Variants in DLGAP2 observed in about 807,000 individuals in gnomAD.
DLGAP2 encodes DLG associated protein 2, also known as disks large-associated protein 2.
DLGAP2 carries 26 observed loss-of-function variants against 100.3 expected under a neutral mutation model. The observed-to-expected ratio is 0.26, with a 90% CI of 0.19 to 0.36. The LOEUF is 0.36. Ranked by LOEUF, DLGAP2 falls within the 10% of genes least tolerant of loss-of-function variation. The probability of loss-of-function intolerance (pLI) is 1.00; values close to 1 mark genes in which losing one functional copy is unlikely to be tolerated. For missense variants in DLGAP2, 1,858 were observed against 1,453.2 expected (o/e 1.28, Z -4.53); for synonymous variants, 886 against 630.1 (o/e 1.41, Z -6.08).
chr8:1,706,596 A>G lies in DLGAP2; in HGVS notation c.*5190A>G, dbSNP rs1799711012. Reference sequence around the variant, plus strand: ...CATTCTCCTTAGCTTCTGGCTTTCAACTGTTTCTAGATGCTTCCAAGAACA... The same window carrying G: ...CATTCTCCTTAGCTTCTGGCTTTCAGCTGTTTCTAGATGCTTCCAAGAACA... On this transcript the variant is annotated 3_prime_UTR_variant, in exon 15 of 15. Coordinates refer to ENST00000637795, the MANE Select transcript of DLGAP2 (RefSeq NM_001346810.2). The G allele has an allele frequency of 6.6e-6, 1 of 152,246 alleles. No homozygotes were observed. The highest frequency in any genetic ancestry group is 1.5e-5 in the Non-Finnish European group (1 of 68,044). The allele number at this position is 152,246 out of a possible 1,614,324, so 9.4% of individuals were successfully genotyped here. A position where few individuals can be genotyped will look rare whatever the true frequency, so the allele number is the denominator to read the frequency against.
intron 2 of DLGAP2, among the ~76,000 whole-genome samples, chr8:1,027,714 G>A (rs1801848066): frequency 7.1e-6 from 1 of 140,114 alleles, no homozygotes; most frequent in Non-Finnish European, 1.5e-5. Flanking sequence ...TGGGGTGTCA[G>A]GCGCCCGTTA....
chr8:922,776 T>C (rs905900102), intron 2 of DLGAP2, among the ~76,000 whole-genome samples: 4 of 152,178 alleles, frequency 2.6e-5, no homozygotes, highest in Admixed American at 6.5e-5. Context: ...GCTAAACAGG[T>C]ATTCAGGTGG....
At chr8:1,127,373 G>T (rs531394304) in intron 2 of DLGAP2, among the ~76,000 whole-genome samples, 2 of 152,154 alleles carry the variant, frequency 1.3e-5, no homozygotes, top group Admixed American at 1.3e-4. Flanking sequence ...CCCCAGGTCT[G>T]GTGGCCCTGC....
intron 2 of DLGAP2, among the ~76,000 whole-genome samples, chr8:952,643 A>G (rs1799508617): frequency 6.6e-6 from 1 of 152,204 alleles, no homozygotes. Flanking sequence ...TCTCAAAAAA[A>G]TAAAAATAAA....
chr8:1,248,886 G>A (rs188803810), intron 2 of DLGAP2: 30 of 152,376 alleles, frequency 2.0e-4, no homozygotes, highest in African/African-American at 7.2e-4. Context: ...TGCTTCTGAA[G>A]CTTGAGGACA....
chr8:1,135,561 G>C (rs1271410362), intron 2 of DLGAP2, among the ~76,000 whole-genome samples: 1 of 114,190 alleles, frequency 8.8e-6, no homozygotes, highest in African/African-American at 3.3e-5. Context: ...ACTCTGAAAA[G>C]GGGCATGCGG....
chr8:1,425,195 T>C (rs1797204845), intron 3 of DLGAP2, among the ~76,000 whole-genome samples: 1 of 152,226 alleles, frequency 6.6e-6, no homozygotes, highest in South Asian at 2.1e-4. Context: ...GCCTCAGTCA[T>C]GATAACATTA....
intron 2 of DLGAP2, among the ~76,000 whole-genome samples, chr8:1,140,083 A>G (rs1177569365): frequency 6.6e-6 from 1 of 152,182 alleles, no homozygotes; most frequent in Non-Finnish European, 1.5e-5. Flanking sequence ...CAGTGTGGCC[A>G]TCAGCCCAGT....
intron 3 of DLGAP2, among the ~76,000 whole-genome samples, chr8:1,320,513 C>G (rs374120495): frequency 6.6e-6 from 1 of 152,150 alleles, no homozygotes; most frequent in Non-Finnish European, 1.5e-5. Flanking sequence ...GGGCAACATA[C>G]GGGCACAGAG....
chr8:1,561,733 G>A (rs866399247), intron 5 of DLGAP2, among the ~76,000 whole-genome samples: 37 of 130,534 alleles, frequency 2.8e-4, no homozygotes, highest in East Asian at 1.4e-3. Flanking sequence ...TCCGCGCCTC[G>A]TTTCTGGGGG....
intron 3 of DLGAP2, among the ~76,000 whole-genome samples, chr8:1,372,865 T>C (rs1006691968): frequency 1.3e-5 from 2 of 152,342 alleles, no homozygotes; most frequent in Non-Finnish European, 2.9e-5. Context: ...CCTTCAGCTG[T>C]GTTTCATTCT....
intron 2 of DLGAP2, among the ~76,000 whole-genome samples, chr8:1,127,604 C>A (rs969299778): frequency 6.6e-6 from 1 of 152,228 alleles, no homozygotes; most frequent in Non-Finnish European, 1.5e-5. Context: ...AGGCCAAGCA[C>A]TGAGAGGAGG....
chr8:744,549 T>C (rs1490331032), intron 1 of DLGAP2, among the ~76,000 whole-genome samples: 4 of 143,848 alleles, frequency 2.8e-5, no homozygotes, highest in Admixed American at 2.1e-4. Flanking sequence ...CTGCCTCTTC[T>C]CCGGCCACGT....
At chr8:874,772 C>G (rs1797659184) in intron 1 of DLGAP2, among the ~76,000 whole-genome samples, 1 of 152,086 alleles carries the variant, frequency 6.6e-6, no homozygotes, top group African/African-American at 2.4e-5. Flanking sequence ...CCTTGTTGAT[C>G]TTTTGTCTAG....
At chr8:1,198,456 A>G (rs1376305999) in intron 2 of DLGAP2, among the ~76,000 whole-genome samples, 1 of 151,858 alleles carries the variant, frequency 6.6e-6, no homozygotes, top group African/African-American at 2.4e-5. Flanking sequence ...CCTCCCACCC[A>G]CCTCTATAAG....
chr8:1,515,732 ACT>A (rs955474091), intron 4 of DLGAP2, among the ~76,000 whole-genome samples: 3 of 149,616 alleles, frequency 2.0e-5, no homozygotes, highest in Admixed American at 1.3e-4. Flanking sequence ...AGATAGGCAC[ACT>A]CACACACTTG....
intron 2 of DLGAP2, among the ~76,000 whole-genome samples, chr8:1,118,674 A>G (rs185555678): frequency 6.6e-5 from 10 of 152,288 alleles, no homozygotes; most frequent in Middle Eastern, 6.8e-3. Flanking sequence ...GCTTAGAGCA[A>G]CCTTCAAGAT....
chr8:1,052,837 C>A (rs969375128), intron 2 of DLGAP2, among the ~76,000 whole-genome samples: 1 of 152,110 alleles, frequency 6.6e-6, no homozygotes. Context: ...AGGGCAATGA[C>A]AACCTGTAAG....
chr8:1,545,102 T>G (rs1016312779), intron 4 of DLGAP2, among the ~76,000 whole-genome samples: 1 of 152,216 alleles, frequency 6.6e-6, no homozygotes, highest in African/African-American at 2.4e-5. Flanking sequence ...TGTCTTTATC[T>G]GGCTTTGCTA....
Sources: gnomAD v4.1 joint callset for allele counts (sites outside exome capture counted in the v4.1 genomes callset) on GRCh38, gnomAD v4.1.1 for gene constraint, MANE v1.5 for transcripts, NCBI Gene and HGNC (gene_info 2026-07-23, HGNC 2026-07-21) for gene names.